Variants in RBFOX1 observed in about 807,000 individuals in gnomAD.
RBFOX1 encodes RNA binding fox-1 homolog 1.
A neutral mutation model predicts 57.7 loss-of-function variants in RBFOX1; 8 were observed. The observed-to-expected ratio is 0.14, with a 90% CI of 0.08 to 0.25. RBFOX1 has a LOEUF of 0.25. Ranked by LOEUF, RBFOX1 falls within the 10% of genes least tolerant of loss-of-function variation. RBFOX1 has a pLI of 1.00. For synonymous variants in RBFOX1, 326 were observed against 222.4 expected (o/e 1.47, Z -4.15); for missense variants, 611 against 548.5 (o/e 1.11, Z -1.14).
chr16:7,706,951 G>A (rs1272154967), intron 14 of RBFOX1, among the ~76,000 whole-genome samples: 2 of 152,124 alleles, frequency 1.3e-5, no homozygotes, highest in Non-Finnish European at 2.9e-5. Context: ...ACCGATACCT[G>A]TTTTTCCTCC....
At chr16:7,256,429 A>AG (rs1459685708) in intron 4 of RBFOX1, among the ~76,000 whole-genome samples, 5 of 152,180 alleles carry the variant, frequency 3.3e-5, no homozygotes, top group African/African-American at 1.2e-4. Context: ...AGCCTACACT[A>AG]GTTTGTCTCA....
At position 5,590,169 on chromosome 16, in the gene RBFOX1, TC is replaced by T. The variant is rs1596361039; in HGVS notation, c.259-8731del. Among the ~76,000 whole-genome samples, 3 of 152,320 alleles carry T rather than the reference TC, an allele frequency of 2.0e-5. No individual in the cohort carries two copies. In the East Asian group the frequency reaches 5.8e-4, roughly 29 times the overall value. On this transcript the variant is annotated intron_variant, in intron 2 of 2. Transcript: ENST00000585867. The stretch of plus-strand genomic sequence containing the variant: ...CTGAGAGGAGATTAATACTTTTTTT[TC>T]CTGCAGTCTGAAACGATTTACATGG...
At chr16:5,398,940 T>C (rs919108053) in intron 1 of RBFOX1, among the ~76,000 whole-genome samples, 3 of 152,216 alleles carry the variant, frequency 2.0e-5, no homozygotes, top group South Asian at 4.1e-4. Flanking sequence ...GTGGCTGCGA[T>C]TGGTGTCTGA....
At chr16:6,651,296 A>G (rs989882983) in intron 2 of RBFOX1, among the ~76,000 whole-genome samples, 29 of 152,186 alleles carry the variant, frequency 1.9e-4, no homozygotes, top group African/African-American at 7.0e-4. Flanking sequence ...AGACCGTGCA[A>G]CGGCCCCAGG....
At chr16:6,900,647 C>T (rs917903692) in intron 3 of RBFOX1, among the ~76,000 whole-genome samples, 2 of 152,188 alleles carry the variant, frequency 1.3e-5, no homozygotes, top group African/African-American at 4.8e-5. Flanking sequence ...GAATTCTACC[C>T]TTCTTGACCT....
At chr16:6,192,443 C>G (rs1040110554) in intron 1 of RBFOX1, among the ~76,000 whole-genome samples, 3 of 152,008 alleles carry the variant, frequency 2.0e-5, no homozygotes, top group African/African-American at 7.3e-5. Context: ...CTCTACCTCC[C>G]TCATTTCTTC....
At chr16:6,254,048 G>T (rs2097645365) in intron 1 of RBFOX1, among the ~76,000 whole-genome samples, 1 of 152,154 alleles carries the variant, frequency 6.6e-6, no homozygotes. Flanking sequence ...GATACAGCCT[G>T]TGTGACATAA....
intron 3 of RBFOX1, among the ~76,000 whole-genome samples, chr16:6,876,271 A>G (rs1283320978): frequency 6.6e-6 from 1 of 152,150 alleles, no homozygotes; most frequent in Non-Finnish European, 1.5e-5. Context: ...ATTCTTGGGA[A>G]TTGTCCTAGA....
chr16:6,879,754 C>T (rs1252491213), intron 3 of RBFOX1, among the ~76,000 whole-genome samples: 1 of 152,124 alleles, frequency 6.6e-6, no homozygotes, highest in East Asian at 1.9e-4. Context: ...TAACAGTGTT[C>T]CTGGCTGTTA....
intron 3 of RBFOX1, among the ~76,000 whole-genome samples, chr16:6,660,882 G>C (rs2098697175): frequency 6.6e-6 from 1 of 152,128 alleles, no homozygotes; most frequent in South Asian, 2.1e-4. Context: ...GCAACCAATG[G>C]GACCTAGTAG....
At chr16:6,149,627 C>G (rs976943050) in intron 1 of RBFOX1, among the ~76,000 whole-genome samples, 32 of 152,122 alleles carry the variant, frequency 2.1e-4, no homozygotes, top group African/African-American at 7.7e-4. Context: ...TCTTTTTCTT[C>G]CAGGTTTGAA....
chr16:7,142,313 C>A (rs1036889220), intron 4 of RBFOX1, among the ~76,000 whole-genome samples: 1 of 152,136 alleles, frequency 6.6e-6, no homozygotes, highest in Admixed American at 6.5e-5. Flanking sequence ...CATGAGCCAC[C>A]ACACCTAGCC....
chr16:6,066,582 G>A (rs1282357238), intron 1 of RBFOX1, among the ~76,000 whole-genome samples: 3 of 152,108 alleles, frequency 2.0e-5, no homozygotes, highest in African/African-American at 4.8e-5. Flanking sequence ...CTGGAAAAAT[G>A]TACATAGAAC....
intron 4 of RBFOX1, among the ~76,000 whole-genome samples, chr16:7,144,647 C>T (rs1278957010): frequency 6.6e-6 from 1 of 151,950 alleles, no homozygotes; most frequent in Non-Finnish European, 1.5e-5. Flanking sequence ...GAGAGCCCTC[C>T]CTTCCTGCCA....
chr16:7,292,413 TTA>T (rs925623596), intron 4 of RBFOX1, among the ~76,000 whole-genome samples: 12 of 142,274 alleles, frequency 8.4e-5, no homozygotes, highest in East Asian at 4.0e-4. Context: ...ATGTATTATA[TTA>T]TATATATAAG....
intron 4 of RBFOX1, among the ~76,000 whole-genome samples, chr16:7,481,313 G>A (rs1379709620): frequency 6.6e-6 from 1 of 152,178 alleles, no homozygotes; most frequent in Admixed American, 6.5e-5. Flanking sequence ...TCTATATAAT[G>A]TGTAAACTTG....
chr16:7,054,073 C>T (rs1289693380), intron 4 of RBFOX1, among the ~76,000 whole-genome samples: 2 of 151,402 alleles, frequency 1.3e-5, no homozygotes, highest in East Asian at 3.9e-4. Flanking sequence ...TTTCTTCTGC[C>T]CTCTTCATTT....
intron 3 of RBFOX1, chr16:6,704,669 C>G (rs1371629384): frequency 6.6e-6 from 1 of 152,384 alleles, no homozygotes; most frequent in East Asian, 1.9e-4. Context: ...GCCTGCCTAA[C>G]TGCCTATTTA....
rs150110096 is a variant in RBFOX1 at position 6,808,057 on chromosome 16, C to T, written c.-16+153407C>T. Among the ~76,000 whole-genome samples the T allele has an allele frequency of 3.5e-3, 530 of 149,516 alleles. 4 individuals carry two copies. The highest frequency in any genetic ancestry group is 0.012 in the African/African-American group (486 of 40,594). Reference sequence around the variant, plus strand: ...GTATATGTATATATACTATCCTATACAATAGAACTATATATATATAATCAT... The same window carrying T: ...GTATATGTATATATACTATCCTATATAATAGAACTATATATATATAATCAT... On this transcript the variant is annotated intron_variant, in intron 3 of 15. Coordinates refer to ENST00000550418, the MANE Select transcript of RBFOX1 (RefSeq NM_018723.4).
Sources: gnomAD v4.1 joint callset for allele counts (sites outside exome capture counted in the v4.1 genomes callset) on GRCh38, gnomAD v4.1.1 for gene constraint, MANE v1.5 for transcripts, NCBI Gene and HGNC (gene_info 2026-07-23, HGNC 2026-07-21) for gene names.